ZMIZ1: variants seen among roughly 807,000 people sequenced by gnomAD.
ZMIZ1 encodes zinc finger MIZ-type containing 1, also known as zinc finger MIZ domain-containing protein 1.
Under a neutral mutation model 113.9 loss-of-function variants are expected in ZMIZ1, and 17 were observed. The observed-to-expected ratio is 0.15, with a 90% CI of 0.10 to 0.22. The LOEUF is 0.22. ZMIZ1 is among the 10% of genes least tolerant of loss of function. ZMIZ1 has a pLI of 1.00. For synonymous variants in ZMIZ1, 607 were observed against 603.1 expected, an observed-to-expected ratio of 1.01 and a Z score of -0.09; for missense variants, 1,059 against 1,477.8, an observed-to-expected ratio of 0.72 and a Z score of 4.65.
chr10:79,166,000 G>GTC (rs1554860982), intron 4 of ZMIZ1, among the ~76,000 whole-genome samples: 44,563 of 115,484 alleles, frequency 0.39, 10,700 homozygotes, highest in Non-Finnish European at 0.44. Context: ...GTGTGTGTGT[G>GTC]TGGGCTCTCC....
Position 79,304,068 on chromosome 10 carries a change from G to A in ZMIZ1, c.2179G>A (p.Gly727Arg), listed in dbSNP as rs1170454309. 1.1e-5 allele frequency: 17 copies of A among 1,614,090 alleles called. No homozygotes were observed. Among genetic ancestry groups the A allele is most frequent in the African/African-American group, 1.3e-5 (1 of 74,948 alleles). The change falls in exon 19 of 25, where the codon GGG becomes AGG. Residue 727 changes from glycine (G) to arginine (R), a missense_variant. Gly to Arg is a moderately radical substitution (Grantham distance 125). This residue lies in a region of ZMIZ1 where 217 missense variants were observed against 426.9 expected (regional missense o/e 0.51). Coordinates refer to ENST00000334512, the MANE Select transcript of ZMIZ1 (RefSeq NM_020338.4). Reference protein sequence around the residue: ...AASSGNTTLNGEDGVEQTAIK... With the variant: ...AASSGNTTLNREDGVEQTAIK... The stretch of plus-strand genomic sequence containing the variant: ...CTCCTCGGGCAACACGACCCTCAAC[G>A]GGGAGGATGGGGTGGAGCAGACGGC...
chr10:79,094,600 G>A (rs1221426107), intron 1 of ZMIZ1, among the ~76,000 whole-genome samples: 1 of 152,212 alleles, frequency 6.6e-6, no homozygotes, highest in Non-Finnish European at 1.5e-5. Context: ...GGATGACAGA[G>A]TGATTTTGGA....
intron 2 of ZMIZ1, among the ~76,000 whole-genome samples, chr10:79,133,964 T>G (rs1844883145): frequency 6.6e-6 from 1 of 152,226 alleles, no homozygotes; most frequent in Non-Finnish European, 1.5e-5. Flanking sequence ...TAACAACTTT[T>G]ACATAAATAC....
intron 1 of ZMIZ1, among the ~76,000 whole-genome samples, chr10:79,072,624 A>G (rs7067958): frequency 0.18 from 27,999 of 152,180 alleles, 5,055 homozygotes; most frequent in African/African-American, 0.47. Context: ...GCACCAACCA[A>G]TTAATTTCCA....
intron 3 of ZMIZ1, among the ~76,000 whole-genome samples, chr10:79,154,038 G>A (rs1239147023): frequency 2.6e-5 from 4 of 152,178 alleles, no homozygotes; most frequent in Non-Finnish European, 1.5e-5. Context: ...GCCCTTCAGT[G>A]CCACGACCTT....
chr10:79,280,671 C>T (rs1351976543), intron 8 of ZMIZ1, among the ~76,000 whole-genome samples: 8 of 150,652 alleles, frequency 5.3e-5, no homozygotes, highest in East Asian at 1.9e-4. Context: ...TTAATGCCCA[C>T]GCTTGGTTAA....
intron 7 of ZMIZ1, among the ~76,000 whole-genome samples, chr10:79,263,750 A>C (rs1056818829): frequency 2.0e-5 from 3 of 151,780 alleles, no homozygotes; most frequent in Non-Finnish European, 4.4e-5. Flanking sequence ...AAGGGAGTAC[A>C]TGACAAGGTC....
intron 7 of ZMIZ1, among the ~76,000 whole-genome samples, chr10:79,217,854 T>C (rs982266975): frequency 3.3e-5 from 5 of 152,258 alleles, no homozygotes; most frequent in African/African-American, 1.2e-4. Flanking sequence ...GAAAATGGTC[T>C]TGGAATCTCA....
chr10:79,311,296 G>A, intron 24 of ZMIZ1, 112 bp downstream of exon 24: 2 of 1,326,138 alleles, frequency 1.5e-6, no homozygotes, highest in Non-Finnish European at 2.0e-6. Flanking sequence ...GAGGTGGGTG[G>A]GCGGTGGGAG....
intron 3 of ZMIZ1, among the ~76,000 whole-genome samples, chr10:79,151,125 G>C (rs901723909): frequency 6.6e-6 from 1 of 152,136 alleles, no homozygotes; most frequent in Non-Finnish European, 1.5e-5. Flanking sequence ...GCTCCTGGGC[G>C]AGCTGAAAGC....
intron 1 of ZMIZ1, among the ~76,000 whole-genome samples, chr10:79,097,190 G>C (rs1027890596): frequency 6.6e-6 from 1 of 152,212 alleles, no homozygotes. Flanking sequence ...CCCACATGGT[G>C]CTGGCTCCCT....
intron 4 of ZMIZ1, among the ~76,000 whole-genome samples, chr10:79,163,443 T>A (rs1344174976): frequency 6.6e-5 from 10 of 152,240 alleles, no homozygotes; most frequent in Admixed American, 5.2e-4. Context: ...AGAGCTGCTG[T>A]GAGGATGCTT....
Position 79,277,093 on chromosome 10 carries a change from C to T in ZMIZ1, c.281-88C>T. On this transcript the variant is annotated intron_variant, in intron 7 of 24. Coordinates refer to ENST00000334512, the MANE Select transcript of ZMIZ1 (RefSeq NM_020338.4). Reference sequence around the variant, plus strand: ...CTGGGAGCAAAACCAGCATGGATAGCACCCAGTCTGGGGAGAGTTGGGGGG... The same window carrying T: ...CTGGGAGCAAAACCAGCATGGATAGTACCCAGTCTGGGGAGAGTTGGGGGG... 2.8e-6 allele frequency: 4 copies of T among 1,422,032 alleles called. No homozygotes were observed. The South Asian group carries it at 6.4e-5, about 23-fold the overall frequency. 88.1% of individuals were successfully genotyped at this position (1,422,032 alleles called of 1,614,324 possible). A position where few individuals can be genotyped will look rare whatever the true frequency, so the allele number is the denominator to read the frequency against.
In ZMIZ1 at chr10:79,302,118, C is replaced by T. The variant is rs1339338201; in HGVS notation, c.2031C>T (p.Phe677=). 3.7e-6 allele frequency: 6 copies of T among 1,613,846 alleles called. No individual in the cohort carries two copies. The African/African-American group carries it at 6.7e-5, about 18-fold the overall frequency. The change falls in exon 18 of 25, where the codon TTC becomes TTT. Residue 677 remains phenylalanine (F), a synonymous_variant. Transcript: ENST00000334512. ...CTCTCTCCCCGCAGTCCCACCTCTT[C>T]GTGCTGCAGCTGGTACACCGGCCCT... is the stretch of plus-strand genomic sequence containing the variant. ...TVTACCCSHL[F]VLQLVHRPSV...
At chr10:79,288,158 G>A (rs1224240389) in intron 8 of ZMIZ1, among the ~76,000 whole-genome samples, 1 of 152,254 alleles carries the variant, frequency 6.6e-6, no homozygotes, top group Non-Finnish European at 1.5e-5. Context: ...CTCTGCAGGA[G>A]CCCGTCAGAC....
At chr10:79,283,898 C>T (rs1198660603) in intron 8 of ZMIZ1, among the ~76,000 whole-genome samples, 1 of 152,238 alleles carries the variant, frequency 6.6e-6, no homozygotes, top group Non-Finnish European at 1.5e-5. Flanking sequence ...AGCTTCAGCT[C>T]CTCACTGGCT....
chr10:79,202,151 C>T (rs1589417602), intron 5 of ZMIZ1, among the ~76,000 whole-genome samples: 1 of 110,744 alleles, frequency 9.0e-6, no homozygotes, highest in Admixed American at 1.3e-4. Flanking sequence ...GAAGATTGTT[C>T]GAGCCCAGCC....
chr10:79,080,580 A>G (rs1387318280), intron 1 of ZMIZ1, among the ~76,000 whole-genome samples: 1 of 152,012 alleles, frequency 6.6e-6, no homozygotes, highest in Non-Finnish European at 1.5e-5. Flanking sequence ...AAGTGCTGGG[A>G]TTATAGACGT....
intron 23 of ZMIZ1, among the ~76,000 whole-genome samples, chr10:79,308,473 C>T (rs974310600): frequency 8.5e-5 from 13 of 152,144 alleles, no homozygotes; most frequent in Admixed American, 7.2e-4. Flanking sequence ...TCCTGGGCCA[C>T]ACCAGCCAGG....
Sources: allele counts gnomAD v4.1 joint callset (sites outside exome capture counted in the v4.1 genomes callset), GRCh38; gene constraint gnomAD v4.1.1; regional missense constraint gnomAD v4.1.1; transcripts MANE v1.5; gene names NCBI Gene and HGNC (gene_info 2026-07-23, HGNC 2026-07-21).